Variants in SYN3 observed in about 807,000 individuals in gnomAD.
SYN3 encodes the protein synapsin III.
A neutral mutation model predicts 65.8 loss-of-function variants in SYN3; 35 were observed. The ratio of observed to expected loss-of-function variants is 0.53; its 90% CI spans 0.41 to 0.70. The LOEUF (loss-of-function observed/expected upper bound fraction) is 0.70, where lower values mean the gene tolerates loss of function less well. Ranked by LOEUF, SYN3 falls within the 30% of genes least tolerant of loss-of-function variation. The pLI is 0.00. For synonymous variants in SYN3, 270 were observed against 292.9 expected, an observed-to-expected ratio of 0.92 and a Z score of 0.80; for missense variants, 680 against 749.0, an observed-to-expected ratio of 0.91 and a Z score of 1.08.
chr22:32,668,364 C>A (rs917453838), intron 6 of SYN3, among the ~76,000 whole-genome samples: 3 of 151,516 alleles, frequency 2.0e-5, no homozygotes, highest in African/African-American at 4.9e-5. Context: ...TTCCACCCCC[C>A]CTTCCTTCAC....
At chr22:32,622,906 G>C (rs900117666) in intron 6 of SYN3, among the ~76,000 whole-genome samples, 13 of 152,036 alleles carry the variant, frequency 8.6e-5, no homozygotes, top group African/African-American at 3.1e-4. Flanking sequence ...CCCAGGGAGG[G>C]GACATGACAT....
intron 10 of SYN3, among the ~76,000 whole-genome samples, chr22:32,532,795 G>A (rs575436173): frequency 2.0e-5 from 3 of 152,288 alleles, no homozygotes; most frequent in South Asian, 2.1e-4. Context: ...CCCACACCCC[G>A]GGGAGGGGAC....
chr22:32,661,325 A>G (rs1287516701), intron 6 of SYN3, among the ~76,000 whole-genome samples: 1 of 152,216 alleles, frequency 6.6e-6, no homozygotes, highest in Non-Finnish European at 1.5e-5. Context: ...CAAAGGGTCC[A>G]ATCTCCTTGC....
intron 4 of SYN3, among the ~76,000 whole-genome samples, chr22:32,893,358 G>C (rs562410442): frequency 9.8e-5 from 15 of 152,316 alleles, no homozygotes; most frequent in South Asian, 2.1e-4. Flanking sequence ...TGGAGCCCTG[G>C]AAGAGACTCA....
chr22:32,701,204 C>T (rs1001109344), intron 6 of SYN3, among the ~76,000 whole-genome samples: 1 of 152,218 alleles, frequency 6.6e-6, no homozygotes, highest in South Asian at 2.1e-4. Context: ...GAGTCACACT[C>T]TTGCTTAAAA....
intron 3 of SYN3, among the ~76,000 whole-genome samples, chr22:32,974,330 G>C (rs2052114263): frequency 6.6e-6 from 1 of 152,214 alleles, no homozygotes; most frequent in Non-Finnish European, 1.5e-5. Flanking sequence ...GTTTCTGAAA[G>C]ATGGAGGTGA....
intron 3 of SYN3, among the ~76,000 whole-genome samples, chr22:32,935,123 C>G (rs241875): frequency 0.99 from 151,223 of 152,298 alleles, 75,084 homozygotes; most frequent in East Asian, 1. Flanking sequence ...TGGAACCTAG[C>G]AAATTAAAAT....
At chr22:32,905,925 C>T (rs186306040) in intron 4 of SYN3, among the ~76,000 whole-genome samples, 5 of 152,298 alleles carry the variant, frequency 3.3e-5, no homozygotes, top group East Asian at 1.9e-4. Flanking sequence ...GCAGAGAGGT[C>T]GGACATTCAC....
chr22:32,520,892 G>A (rs2057869225), intron 12 of SYN3, among the ~76,000 whole-genome samples: 1 of 152,112 alleles, frequency 6.6e-6, no homozygotes, highest in Non-Finnish European at 1.5e-5. Context: ...CTGGGCTTCT[G>A]GGCCCTCATT....
intron 7 of SYN3, among the ~76,000 whole-genome samples, chr22:32,595,325 C>G (rs1378390267): frequency 6.6e-6 from 1 of 152,136 alleles, no homozygotes; most frequent in Non-Finnish European, 1.5e-5. Context: ...TAGAGATGAA[C>G]AGAGCCAAGA....
At chr22:32,610,565 T>TTTTTGTTTTGTTTTG (rs59707741) in intron 6 of SYN3, among the ~76,000 whole-genome samples, 7 of 150,406 alleles carry the variant, frequency 4.7e-5, no homozygotes, top group Non-Finnish European at 7.4e-5. Context: ...TGTATGTGTG[T>TTTTTGTTTTGTTTTG]TTTTGTTTTG....
At chr22:32,687,192 C>T (rs1398645993) in intron 6 of SYN3, among the ~76,000 whole-genome samples, 3 of 19,536 alleles carry the variant, frequency 1.5e-4, no homozygotes, top group Admixed American at 7.9e-4. Context: ...AGACGGAATT[C>T]TCGCTCTGCC....
intron 6 of SYN3, among the ~76,000 whole-genome samples, chr22:32,720,518 T>G (rs2061101876): frequency 6.6e-6 from 1 of 152,200 alleles, no homozygotes; most frequent in Admixed American, 6.5e-5. Context: ...TCAGCCTGCC[T>G]TGCCCCGAAT....
At chr22:33,028,016 CT>C (rs1386535875) in intron 1 of SYN3, among the ~76,000 whole-genome samples, 2 of 152,312 alleles carry the variant, frequency 1.3e-5, no homozygotes, top group South Asian at 2.1e-4. Flanking sequence ...GATGAAGTGC[CT>C]TCCCCAAGGC....
chr22:32,546,268 C>T, intron 7 of SYN3, among the ~76,000 whole-genome samples: 1 of 151,954 alleles, frequency 6.6e-6, no homozygotes, highest in East Asian at 1.9e-4. Context: ...ATTGTACATG[C>T]TCTACACAAG....
chr22:32,600,556 A>G (rs1038730352), intron 6 of SYN3, among the ~76,000 whole-genome samples: 5 of 152,230 alleles, frequency 3.3e-5, no homozygotes, highest in African/African-American at 1.2e-4. Flanking sequence ...GTGGATGGAT[A>G]GAAGGCACAG....
chr22:32,861,654 C>T (rs924300713), intron 6 of SYN3: 5 of 152,574 alleles, frequency 3.3e-5, no homozygotes, highest in African/African-American at 7.2e-5. Context: ...CCTGCGGAGT[C>T]GATAAATTAG....
intron 3 of SYN3, among the ~76,000 whole-genome samples, chr22:32,959,877 G>A (rs989393067): frequency 2.4e-4 from 36 of 152,214 alleles, no homozygotes; most frequent in African/African-American, 8.0e-4. Flanking sequence ...TTACAGGCGT[G>A]AGCCACCATG....
At chr22:32,849,326 C>G in intron 6 of SYN3, 1 of 761,138 alleles carries the variant, frequency 1.3e-6, no homozygotes, top group South Asian at 1.5e-5. Flanking sequence ...ATCATCTATT[C>G]CAGTTGGCTC....
Sources: allele counts gnomAD v4.1 joint callset (sites outside exome capture counted in the v4.1 genomes callset), GRCh38; gene constraint gnomAD v4.1.1; transcripts MANE v1.5; gene names NCBI Gene and HGNC (gene_info 2026-07-23, HGNC 2026-07-21).